SASH1: variants seen among roughly 807,000 people sequenced by gnomAD.
SASH1 encodes SAM and SH3 domain-containing protein 1.
SASH1 carries 44 observed loss-of-function variants against 125.2 expected under a neutral mutation model. The observed-to-expected ratio is 0.35, with a 90% CI of 0.28 to 0.45. SASH1 has a LOEUF of 0.45. Among genes scored for constraint, SASH1 ranks in the 20% least tolerant of loss-of-function variants. The pLI is 1.00. For synonymous variants in SASH1, 639 were observed against 649.1 expected, an observed-to-expected ratio of 0.98 and a Z score of 0.24; for missense variants, 1,426 against 1,614.5, an observed-to-expected ratio of 0.88 and a Z score of 2.00.
Position 148,318,622 on chromosome 6 carries a change from G to A in SASH1, n.74+46245G>A, listed in dbSNP as rs1376076137. 2.3e-5 allele frequency among the ~76,000 whole-genome samples: 3 copies of A among 129,164 alleles called. No individual in the cohort carries two copies. The East Asian group carries it at 1.2e-3, about 53-fold the overall frequency. The allele number at this position is 129,164 out of a possible 152,430, so 84.7% of individuals were successfully genotyped here. On this transcript the variant is annotated intron_variant and non_coding_transcript_variant, in intron 1 of 3. Coordinates refer to the SASH1 transcript ENST00000367469. ...GGCTGGAGTGCAATGGCATGATCTTGGCTCACTGCAAGCTCCGCCTCCCGG... is the reference window on the plus strand; with the variant it reads ...GGCTGGAGTGCAATGGCATGATCTTAGCTCACTGCAAGCTCCGCCTCCCGG...
intron 2 of SASH1, among the ~76,000 whole-genome samples, chr6:148,391,045 G>A (rs1045295462): frequency 4.6e-5 from 7 of 151,292 alleles, no homozygotes; most frequent in Non-Finnish European, 8.8e-5. Context: ...GTGTTTTAGC[G>A]GGTATCCTTC....
chr6:148,505,786 T>C (rs373421735), intron 8 of SASH1, among the ~76,000 whole-genome samples: 29 of 152,078 alleles, frequency 1.9e-4, no homozygotes, highest in African/African-American at 6.5e-4. Context: ...TACAGGCATG[T>C]GCCACCACAC....
Position 148,528,411 on chromosome 6 carries a change from A to C in SASH1, c.1428+815A>C, listed in dbSNP as rs541260826. Among the ~76,000 whole-genome samples the C allele has an allele frequency of 5.3e-5, 8 of 152,288 alleles. No individual in the cohort carries two copies. The South Asian group carries it at 8.3e-4, about 16-fold the overall frequency. On this transcript the variant is annotated intron_variant, in intron 12 of 19. Transcript: ENST00000367467. ...TGTAGGTAATGCACTTTATCTACCA[A>C]ATAAAAACAGCAGGAAAAGCAGACA...
intron 19 of SASH1, among the ~76,000 whole-genome samples, chr6:148,547,799 C>G (rs1008064877): frequency 9.2e-5 from 14 of 152,086 alleles, no homozygotes; most frequent in African/African-American, 3.1e-4. Flanking sequence ...TCCAGCCAAC[C>G]CTTGATATTA....
intron 4 of SASH1, among the ~76,000 whole-genome samples, chr6:148,450,520 G>A (rs970978840): frequency 1.3e-5 from 2 of 151,822 alleles, no homozygotes; most frequent in East Asian, 3.9e-4. Context: ...TCTCTTAACT[G>A]TCTGTATCCT....
At chr6:148,272,485 C>T (rs1779086492) in intron 1 of SASH1, 3 of 399,510 alleles carry the variant, frequency 7.5e-6, no homozygotes, top group Middle Eastern at 3.6e-4. Flanking sequence ...TATAAAGTAA[C>T]TGTCAGTATC....
At chr6:148,395,434 T>G (rs139564551) in intron 2 of SASH1, among the ~76,000 whole-genome samples, 1 of 152,316 alleles carries the variant, frequency 6.6e-6, no homozygotes, top group East Asian at 1.9e-4. Context: ...TCAAGCTCTT[T>G]CTCTAGGACT....
In SASH1 at chr6:148,525,373, A is replaced by G. The variant is rs2115375698; in HGVS notation, c.1284+8A>G. On this transcript the variant is annotated splice_region_variant and intron_variant, in intron 11 of 19. Transcript: ENST00000367467. ...AATAATTCTGACCCAATGGTGAGTAACATCAGAGGAAAGCAAAAAATATGG... is the reference window on the plus strand; with the variant it reads ...AATAATTCTGACCCAATGGTGAGTAGCATCAGAGGAAAGCAAAAAATATGG... 1 of 1,610,738 alleles carries G rather than the reference A, an allele frequency of 6.2e-7. No homozygotes were observed. Among genetic ancestry groups the G allele is most frequent in the South Asian group, 1.1e-5 (1 of 91,014 alleles).
intron 1 of SASH1, among the ~76,000 whole-genome samples, chr6:148,374,220 T>C (rs1484662648): frequency 6.6e-6 from 1 of 152,158 alleles, no homozygotes; most frequent in Non-Finnish European, 1.5e-5. Context: ...CAAGTTTGGG[T>C]AGGTGATAGG....
At chr6:148,251,240 T>C in the SASH1 span, among the ~76,000 whole-genome samples, 1 of 152,232 alleles carries the variant, frequency 6.6e-6, no homozygotes, top group African/African-American at 2.4e-5. Flanking sequence ...GTTTACCTAA[T>C]AGTATTGACT....
At chr6:148,347,910 T>A (rs955766409) in intron 1 of SASH1, among the ~76,000 whole-genome samples, 1 of 152,210 alleles carries the variant, frequency 6.6e-6, no homozygotes, top group Non-Finnish European at 1.5e-5. Context: ...AAAGACTTAC[T>A]CAGGGTAACA....
chr6:148,456,894 T>TAATAATAATAAGAATAAG (rs1243822998), intron 4 of SASH1, among the ~76,000 whole-genome samples: 1 of 149,300 alleles, frequency 6.7e-6, no homozygotes, highest in South Asian at 2.1e-4. Flanking sequence ...ATAATAATAA[T>TAATAATAATAAGAATAAG]AATAATATAA....
chr6:148,326,939 A>G (rs141962881), intron 1 of SASH1, among the ~76,000 whole-genome samples: 3 of 152,028 alleles, frequency 2.0e-5, no homozygotes, highest in African/African-American at 7.2e-5. Context: ...GGACTTTACA[A>G]TCTTTAACAT....
At chr6:148,439,242 T>C (rs1226963203) in intron 2 of SASH1, among the ~76,000 whole-genome samples, 1 of 152,230 alleles carries the variant, frequency 6.6e-6, no homozygotes, top group Non-Finnish European at 1.5e-5. Flanking sequence ...TTGATTCTTC[T>C]GCCTCTCACA....
intron 1 of SASH1, among the ~76,000 whole-genome samples, chr6:148,272,781 A>G (rs976006364): frequency 3.9e-5 from 6 of 152,186 alleles, no homozygotes; most frequent in African/African-American, 1.2e-4. Flanking sequence ...GAAGGATGTA[A>G]CGATGTATTT....
chr6:148,270,626 G>GA (rs748767346), upstream of SASH1, among the ~76,000 whole-genome samples: 7 of 151,090 alleles, frequency 4.6e-5, no homozygotes, highest in South Asian at 2.1e-4. Context: ...CTCCAAAGTG[G>GA]AAAAAAAAAT....
chr6:148,376,150 C>G (rs1782882716), intron 1 of SASH1, among the ~76,000 whole-genome samples: 1 of 152,084 alleles, frequency 6.6e-6, no homozygotes, highest in Non-Finnish European at 1.5e-5. Context: ...CACTGCAACC[C>G]CTGCCTTCTG....
the SASH1 span, among the ~76,000 whole-genome samples, chr6:148,235,097 T>C: frequency 1.3e-5 from 2 of 152,124 alleles, no homozygotes; most frequent in African/African-American, 4.8e-5. Flanking sequence ...AGAAGTTTAA[T>C]AAAAACAATG....
chr6:148,331,902 T>C (rs72563844), intron 1 of SASH1, among the ~76,000 whole-genome samples: 11,793 of 152,010 alleles, frequency 0.078, 706 homozygotes, highest in East Asian at 0.32. Context: ...CAGGCTGGTC[T>C]GGAACTCCCA....
Sources: allele counts gnomAD v4.1 joint callset (sites outside exome capture counted in the v4.1 genomes callset), GRCh38; gene constraint gnomAD v4.1.1; transcripts MANE v1.5; gene names NCBI Gene and HGNC (gene_info 2026-07-23, HGNC 2026-07-21).